Variants in WDR27 observed in about 807,000 individuals in gnomAD.
WDR27 encodes WD repeat domain 27.
WDR27 carries 100 observed loss-of-function variants against 114.4 expected under a neutral mutation model. The observed-to-expected ratio is 0.87, with a 90% CI of 0.74 to 1.03. WDR27 has a LOEUF of 1.03. Among genes scored for constraint, WDR27 ranks in the 50% least tolerant of loss-of-function variants. The probability of loss-of-function intolerance (pLI) is 0.00; values close to 1 mark genes in which losing one functional copy is unlikely to be tolerated. For synonymous variants in WDR27, 449 were observed against 423.1 expected, an observed-to-expected ratio of 1.06 and a Z score of -0.75; for missense variants, 1,129 against 1,092.9, an observed-to-expected ratio of 1.03 and a Z score of -0.47.
chr6:169,668,221 A>G, intron 4 of WDR27, 36 bp from the exon 5 acceptor site: 8 of 1,606,476 alleles, frequency 5.0e-6, no homozygotes, highest in Non-Finnish European at 6.8e-6. Flanking sequence ...CCTCTGTTCA[A>G]GCTGGAATTC....
At position 169,651,992 on chromosome 6, in the gene WDR27, C is replaced by T. The variant is rs776211603; in HGVS notation, c.1419G>A (p.Met473Ile). 4 of 1,613,700 alleles carry T rather than the reference C, an allele frequency of 2.5e-6. No homozygotes were observed. Among genetic ancestry groups the T allele is most frequent in the Admixed American group, 1.7e-5 (1 of 59,984 alleles). Reference sequence around the variant, plus strand: ...TATGGAAAACCAGGCGTTGGTCCTTCATGACGTTCCGTGCAGCTGTGGAAA... The same window carrying T: ...TATGGAAAACCAGGCGTTGGTCCTTTATGACGTTCCGTGCAGCTGTGGAAA... ...SEQRRAARNV[M>I]KDQRLVFHSK... Residue 473 changes from methionine to isoleucine, a missense_variant, in exon 14 of 26, where the codon ATG becomes ATA. Met to Ile is a conservative substitution (Grantham distance 10). Transcript: ENST00000448612.
the WDR27 span, among the ~76,000 whole-genome samples, chr6:169,450,548 A>G: frequency 1.3e-5 from 2 of 152,186 alleles, no homozygotes; most frequent in East Asian, 1.9e-4. Context: ...ATGTATTGAG[A>G]TATCATTCAC....
At chr6:169,531,297 G>A (rs933145177) in intron 25 of WDR27, among the ~76,000 whole-genome samples, 6 of 152,058 alleles carry the variant, frequency 3.9e-5, no homozygotes, top group African/African-American at 1.4e-4. Context: ...TTCTACTGGA[G>A]TTCATTCGTG....
intron 25 of WDR27, chr6:169,559,337 A>G (rs1489257385): frequency 1.3e-5 from 2 of 152,164 alleles, no homozygotes; most frequent in African/African-American, 2.4e-5. Context: ...TCTGCAGAAC[A>G]TTTTCCAAAT....
intron 6 of WDR27, chr6:169,666,828 G>C: frequency 1.0e-6 from 1 of 985,486 alleles, no homozygotes; most frequent in Non-Finnish European, 1.2e-6. Context: ...TGTTTCTACA[G>C]AGAGCAGAAG....
At chr6:169,428,750 G>T in the WDR27 span, among the ~76,000 whole-genome samples, 1 of 152,204 alleles carries the variant, frequency 6.6e-6, no homozygotes, top group Non-Finnish European at 1.5e-5. Flanking sequence ...GGGGCAGGTG[G>T]CTGGCGTCAG....
intron 23 of WDR27, among the ~76,000 whole-genome samples, chr6:169,595,957 A>G (rs1806712982): frequency 6.6e-6 from 1 of 152,030 alleles, no homozygotes; most frequent in Non-Finnish European, 1.5e-5. Context: ...TTTTTTAACA[A>G]AAAAAGATGA....
chr6:169,432,231 G>C, the WDR27 span, among the ~76,000 whole-genome samples: 1 of 152,152 alleles, frequency 6.6e-6, no homozygotes, highest in Non-Finnish European at 1.5e-5. Flanking sequence ...GAGGAACTGA[G>C]ACCAAAAACA....
At chr6:169,623,921 C>CA (rs954612929) in intron 21 of WDR27, among the ~76,000 whole-genome samples, 16 of 152,092 alleles carry the variant, frequency 1.1e-4, no homozygotes, top group African/African-American at 3.9e-4. Flanking sequence ...ACAGCCTGAG[C>CA]AAAAAGAAGG....
chr6:169,506,235 A>G (rs1002953994), intron 25 of WDR27, among the ~76,000 whole-genome samples: 1 of 152,222 alleles, frequency 6.6e-6, no homozygotes, highest in African/African-American at 2.4e-5. Context: ...AAATTGGCAT[A>G]AACATCACAT....
downstream of WDR27, among the ~76,000 whole-genome samples, chr6:169,452,960 A>G (rs1360661750): frequency 6.6e-6 from 1 of 152,174 alleles, no homozygotes; most frequent in Admixed American, 6.5e-5. Context: ...GCTGCCGTGC[A>G]GTCAGCTTCC....
chr6:169,603,075 C>T (rs1441006549), intron 22 of WDR27, among the ~76,000 whole-genome samples: 1 of 151,836 alleles, frequency 6.6e-6, no homozygotes, highest in East Asian at 1.9e-4. Flanking sequence ...CTCCTGACCT[C>T]AGGTAATCCA....
the WDR27 span, among the ~76,000 whole-genome samples, chr6:169,428,617 T>C: frequency 3.0e-5 from 4 of 133,580 alleles, no homozygotes; most frequent in Admixed American, 7.5e-5. Flanking sequence ...GAGGGGGGGG[T>C]TCTACTCCTT....
the WDR27 span, among the ~76,000 whole-genome samples, chr6:169,427,759 A>G: frequency 1.3e-5 from 2 of 150,228 alleles, no homozygotes; most frequent in African/African-American, 4.9e-5. Flanking sequence ...GACAAGGGGC[A>G]GCCCCTGTCT....
intron 4 of WDR27, 50 bp from the exon 5 acceptor site, chr6:169,668,235 G>A: frequency 1.9e-6 from 3 of 1,588,400 alleles, no homozygotes; most frequent in Non-Finnish European, 2.6e-6. Flanking sequence ...GGAATTCTCT[G>A]TATATAAACC....
intron 24 of WDR27, among the ~76,000 whole-genome samples, chr6:169,574,634 C>T (rs916600850): frequency 3.9e-5 from 6 of 152,166 alleles, no homozygotes; most frequent in African/African-American, 1.4e-4. Context: ...TCACGAAGTG[C>T]GTTCATGAGC....
intron 10 of WDR27, among the ~76,000 whole-genome samples, chr6:169,660,175 G>A (rs1360443750): frequency 4.3e-5 from 6 of 139,692 alleles, no homozygotes; most frequent in Non-Finnish European, 9.3e-5. Flanking sequence ...AGGGGTGGGG[G>A]GATGAGATGG....
chr6:169,624,886 C>T (rs1814393218), intron 21 of WDR27, among the ~76,000 whole-genome samples: 1 of 152,176 alleles, frequency 6.6e-6, no homozygotes, highest in Admixed American at 6.5e-5. Flanking sequence ...CACAGGTTCC[C>T]TTGAGTCAGA....
intron 22 of WDR27, among the ~76,000 whole-genome samples, chr6:169,608,897 G>C (rs1418812166): frequency 6.6e-6 from 1 of 152,206 alleles, no homozygotes; most frequent in Non-Finnish European, 1.5e-5. Context: ...TTACTTCCTA[G>C]ATACAATGGG....
Sources: gnomAD v4.1 joint callset for allele counts (sites outside exome capture counted in the v4.1 genomes callset) on GRCh38, gnomAD v4.1.1 for gene constraint, MANE v1.5 for transcripts, NCBI Gene and HGNC (gene_info 2026-07-23, HGNC 2026-07-21) for gene names.